The following LRP2 variants were observed in gnomAD, a reference collection of about 807,000 sequenced individuals.
LRP2 encodes LDL receptor related protein 2, also known as low-density lipoprotein receptor-related protein 2.
Under a neutral mutation model 531.0 loss-of-function variants are expected in LRP2, and 172 were observed. The observed-to-expected ratio is 0.32, with a 90% CI of 0.29 to 0.37. LRP2 has a LOEUF of 0.37. Ranked by LOEUF, LRP2 falls within the 10% of genes least tolerant of loss-of-function variation. The pLI, the probability that LRP2 is intolerant of heterozygous loss-of-function variation, is 1.00. For synonymous variants in LRP2, 1,992 were observed against 2,027.6 expected, an observed-to-expected ratio of 0.98 and a Z score of 0.47; for missense variants, 5,167 against 5,868.3, an observed-to-expected ratio of 0.88 and a Z score of 3.90.
intron 1 of LRP2, among the ~76,000 whole-genome samples, chr2:169,328,051 T>G (rs1362233032): frequency 8.3e-6 from 1 of 120,746 alleles, no homozygotes; most frequent in South Asian, 3.0e-4. Flanking sequence ...AGCCGCCCCG[T>G]CCGGGAGGGA....
In LRP2 at chr2:169,144,750, T is replaced by C. The variant is rs184690183; in HGVS notation, c.12988+997A>G. Among the ~76,000 whole-genome samples, 274 of 152,224 alleles carry C rather than the reference T, an allele frequency of 1.8e-3. 1 individual carries two copies. Among genetic ancestry groups the C allele is most frequent in the African/African-American group, 6.2e-3 (256 of 41,536 alleles). On this transcript the variant is annotated intron_variant, in intron 70 of 78. Coordinates refer to ENST00000649046, the MANE Select transcript of LRP2 (RefSeq NM_004525.3). ...GGAGTCTCAGCTTTGAGTTGCAATT[T>C]TTCAAGGCTGATCAAGGTCTCAAAA...
chr2:169,170,498 C>T, intron 59 of LRP2, 53 bp downstream of exon 59: 1 of 1,385,646 alleles, frequency 7.2e-7, no homozygotes, highest in Non-Finnish European at 1.0e-6. Context: ...ATTTGAAGCC[C>T]CTACACTGTC....
chr2:169,132,484 A>G, intron 77 of LRP2, 90 bp downstream of exon 77: 2 of 787,454 alleles, frequency 2.5e-6, no homozygotes, highest in South Asian at 2.7e-5. Context: ...GCCTTCCAGA[A>G]TCTCCCTTGT....
intron 64 of LRP2, 64 bp downstream of exon 64, chr2:169,157,307 G>T: frequency 6.7e-7 from 1 of 1,487,052 alleles, no homozygotes; most frequent in South Asian, 1.1e-5. Context: ...TAACAAAGGG[G>T]AGTGGGTGGA....
rs1007490067 is a variant in LRP2, at chr2:169,206,802, T to C, written c.6918A>G (p.Glu2306=). The change falls in exon 39 of 79, where the codon GAA becomes GAG. Residue 2306 remains glutamate, a synonymous_variant. Coordinates refer to ENST00000649046, the MANE Select transcript of LRP2 (RefSeq NM_004525.3). ...CTGTGGGTGGCTCTGTGTTCTCTGG[T>C]TCCTTGCTGGCTTGGAAGATCTTTT... ...NLKKIFQASK[E]PENTEPPTVI... The C allele has an allele frequency of 6.2e-7, 1 of 1,614,194 alleles. No individual in the cohort carries two copies. Among genetic ancestry groups the C allele is most frequent in the Admixed American group, 1.7e-5 (1 of 60,024 alleles).
At chr2:169,162,630 A>T in intron 62 of LRP2, 30 bp from the exon 63 acceptor site, 1 of 1,613,050 alleles carries the variant, frequency 6.2e-7, no homozygotes, top group Non-Finnish European at 8.5e-7. Context: ...TAAAATCAAA[A>T]CTTTTTCTTT....
At chr2:169,288,996 G>A in intron 9 of LRP2, 30 bp downstream of exon 9, 1 of 1,613,162 alleles carries the variant, frequency 6.2e-7, no homozygotes. Context: ...TGTAATGAAA[G>A]ACAAGTAGCC....
intron 1 of LRP2, among the ~76,000 whole-genome samples, chr2:169,341,732 C>T (rs1485742217): frequency 1.3e-5 from 2 of 152,194 alleles, no homozygotes; most frequent in African/African-American, 4.8e-5. Flanking sequence ...ATATCCTACT[C>T]TGCCTCAGTT....
In LRP2 at chr2:169,242,973, G is replaced by A. The variant is rs768863475; in HGVS notation, c.3650C>T (p.Ser1217Leu). The change falls in exon 24 of 79, where the codon TCG (serine) becomes TTG (leucine). Residue 1217 changes from serine (S) to leucine (L), a missense_variant. Physicochemically the swap from Ser to Leu is moderately radical, Grantham distance 145 (BLOSUM62 -2). Coordinates refer to ENST00000649046, the MANE Select transcript of LRP2 (RefSeq NM_004525.3). The part of the protein sequence containing the change: ...CDGVFDCSDN[S>L]DEAGCPTRPP... ...TTACTTACGACAGCCTGCTTCATCC[G>A]AGTTGTCACTGCAATCAAAAACACC... is the stretch of plus-strand genomic sequence containing the variant. 35 of 1,613,552 alleles carry A rather than the reference G, an allele frequency of 2.2e-5. No individual in the cohort carries two copies. Among genetic ancestry groups the A allele is most frequent in the African/African-American group, 9.3e-5 (7 of 74,878 alleles).
chr2:169,169,852 T>A, intron 59 of LRP2, 34 bp from the exon 60 acceptor site: 1 of 1,449,030 alleles, frequency 6.9e-7, no homozygotes, highest in Non-Finnish European at 9.7e-7. Context: ...CGAGAAGGCC[T>A]TGTCATTTTC....
At chr2:169,177,623 A>C (rs566134529) in intron 53 of LRP2, among the ~76,000 whole-genome samples, 180 bp downstream of exon 53, 1 of 152,324 alleles carries the variant, frequency 6.6e-6, no homozygotes, top group East Asian at 1.9e-4. Flanking sequence ...AGTCTTTCCC[A>C]GGGGAAGGGG....
intron 71 of LRP2, among the ~76,000 whole-genome samples, chr2:169,140,858 T>C (rs1685695738): frequency 6.6e-6 from 1 of 152,224 alleles, no homozygotes; most frequent in African/African-American, 2.4e-5. Context: ...AATATTCACA[T>C]TCTCATTTGA....
intron 1 of LRP2, among the ~76,000 whole-genome samples, chr2:169,329,924 C>T (rs113818579): frequency 0.013 from 1,963 of 152,330 alleles, 42 homozygotes; most frequent in African/African-American, 0.045. Context: ...GCATTAGTGC[C>T]TGAGCTCCGC....
At chr2:169,333,178 C>T (rs1403179351) in intron 1 of LRP2, among the ~76,000 whole-genome samples, 1 of 151,964 alleles carries the variant, frequency 6.6e-6, no homozygotes, top group African/African-American at 2.4e-5. Flanking sequence ...ACTGGTTTTG[C>T]TGATGTTTTA....
chr2:169,345,883 CA>C (rs1685684947), intron 1 of LRP2, among the ~76,000 whole-genome samples: 1 of 151,794 alleles, frequency 6.6e-6, no homozygotes, highest in East Asian at 1.9e-4. Flanking sequence ...CAAAACAAAA[CA>C]AAAGTCAATT....
At chr2:169,148,018 T>C (rs1685981041) in intron 68 of LRP2, among the ~76,000 whole-genome samples, 1 of 152,212 alleles carries the variant, frequency 6.6e-6, no homozygotes, top group Non-Finnish European at 1.5e-5. Context: ...CACCAGCCGC[T>C]GCTTTGCAGC....
intron 48 of LRP2, among the ~76,000 whole-genome samples, chr2:169,188,651 T>G (rs919517983): frequency 1.3e-5 from 2 of 152,198 alleles, no homozygotes; most frequent in African/African-American, 4.8e-5. Context: ...ACATCAGATC[T>G]ATGAGACAGC....
chr2:169,327,266 G>C (rs866381623), intron 1 of LRP2, among the ~76,000 whole-genome samples: 10 of 110,474 alleles, frequency 9.1e-5, no homozygotes, highest in Non-Finnish European at 1.7e-4. Context: ...AGGGAGGTGG[G>C]GGGGTCAGCC....
chr2:169,231,251 G>A (rs569565573), intron 31 of LRP2, among the ~76,000 whole-genome samples: 18 of 148,930 alleles, frequency 1.2e-4, no homozygotes, highest in South Asian at 8.5e-4. Context: ...CTATGATTAC[G>A]CCATTGCACT....
Sources: gnomAD v4.1 joint callset for allele counts (sites outside exome capture counted in the v4.1 genomes callset) on GRCh38, gnomAD v4.1.1 for gene constraint, MANE v1.5 for transcripts, NCBI Gene and HGNC (gene_info 2026-07-23, HGNC 2026-07-21) for gene names.